Variants in PIWIL1 observed in about 807,000 individuals in gnomAD.
PIWIL1 encodes the protein piwi-like protein 1.
Under a neutral mutation model 114.4 loss-of-function variants are expected in PIWIL1, and 73 were observed. The observed-to-expected ratio is 0.64, with a 90% confidence interval of 0.53 to 0.78. PIWIL1 has a LOEUF of 0.78. PIWIL1 is among the 30% of genes least tolerant of loss of function. The pLI is 0.00. For missense variants in PIWIL1, 723 were observed against 1,063.1 expected, an observed-to-expected ratio of 0.68 and a Z score of 4.45; for synonymous variants, 375 against 369.0, an observed-to-expected ratio of 1.02 and a Z score of -0.19.
chr12:130,369,927 TGAGAA>T (rs2073773615), intron 19 of PIWIL1, among the ~76,000 whole-genome samples: 1 of 152,198 alleles, frequency 6.6e-6, no homozygotes, highest in African/African-American at 2.4e-5. Context: ...TTGTTGCAAC[TGAGAA>T]GCCCGCTCTT....
At chr12:130,373,036 C>T (rs571828142), downstream of PIWIL1, among the ~76,000 whole-genome samples, 2 of 152,300 alleles carry the variant, frequency 1.3e-5, no homozygotes, top group African/African-American at 4.8e-5. Flanking sequence ...GCCTCATTAA[C>T]ATATTATGAA....
In PIWIL1 at chr12:130,342,842, C is replaced by T. The variant is rs906394461; in HGVS notation, c.79-148C>T. The T allele has an allele frequency of 3.2e-5, 23 of 728,264 alleles. 1 individual carries two copies. In the Middle Eastern group the frequency reaches 1.1e-3, roughly 36 times the overall value. 45.1% of individuals were successfully genotyped at this position (728,264 alleles called of 1,614,324 possible). ...TGATTCGTGACTTTATTTGGTGACT[C>T]TTCTCTCAAATTTATTTTTAAGAAT... On this transcript the variant is annotated intron_variant, in intron 2 of 20. Transcript: ENST00000245255.
chr12:130,363,716 C>T (rs2136184393), intron 18 of PIWIL1, among the ~76,000 whole-genome samples: 1 of 141,242 alleles, frequency 7.1e-6, no homozygotes, highest in East Asian at 2.3e-4. Flanking sequence ...CTCCCAGGTT[C>T]AAGTGATTCT....
At chr12:130,377,333 G>A (rs545672937), downstream of PIWIL1, among the ~76,000 whole-genome samples, 3 of 152,312 alleles carry the variant, frequency 2.0e-5, no homozygotes, top group East Asian at 5.8e-4. Flanking sequence ...TAAAGTTGAA[G>A]GGCTCTGCCC....
intron 10 of PIWIL1, 95 bp downstream of exon 10, chr12:130,354,758 C>A: frequency 6.7e-7 from 1 of 1,484,568 alleles, no homozygotes; most frequent in Non-Finnish European, 9.1e-7. Context: ...CCCTTCCCTC[C>A]CCCCAGAAAA....
chr12:130,402,181 C>T, the PIWIL1 span, among the ~76,000 whole-genome samples: 1 of 152,128 alleles, frequency 6.6e-6, no homozygotes, highest in Non-Finnish European at 1.5e-5. Flanking sequence ...GGGACTTGCT[C>T]GCGGTGTGAA....
chr12:130,346,437 C>T lies in PIWIL1; in HGVS notation c.384C>T (p.Ala128=). The T allele has an allele frequency of 6.2e-7, 1 of 1,614,030 alleles. No homozygotes were observed. The highest frequency in any genetic ancestry group is 1.3e-5 in the African/African-American group (1 of 75,040). Reference sequence around the variant, plus strand: ...GGCTGACATCCCGTCCCCAGTGGGCCTTATATCAGTATCACATTGACTATA... The same window carrying T: ...GGCTGACATCCCGTCCCCAGTGGGCTTTATATCAGTATCACATTGACTATA... ...HFRLTSRPQW[A]LYQYHIDYNP... The change falls in exon 5 of 21, where the codon GCC becomes GCT. Residue 128 remains alanine, a synonymous_variant. Transcript: ENST00000245255.
chr12:130,361,051 A>G (rs1309691327), intron 14 of PIWIL1, 129 bp from the exon 15 acceptor site: 3 of 737,464 alleles, frequency 4.1e-6, no homozygotes, highest in Admixed American at 2.5e-5. Flanking sequence ...TGTGGCTGAA[A>G]TGAATAGTAA....
At chr12:130,424,424 G>A in the PIWIL1 span, 1 of 1,232,752 alleles carries the variant, frequency 8.1e-7, no homozygotes, top group East Asian at 3.2e-5. This position sits in a 1 kb window ranked among gnomAD's most constrained non-coding sequence, Gnocchi z 9.8. Context: ...CCCTCCTGCA[G>A]GGACAGTGAC....
intron 9 of PIWIL1, among the ~76,000 whole-genome samples, chr12:130,351,978 C>A (rs1467469878): frequency 6.6e-6 from 1 of 152,154 alleles, no homozygotes; most frequent in African/African-American, 2.4e-5. Flanking sequence ...GCTTTATTCT[C>A]ATGGCGTGTC....
Position 130,346,593 on chromosome 12 carries a change from G to C in PIWIL1, c.531+9G>C. The C allele has an allele frequency of 1.3e-6, 2 of 1,599,298 alleles. No homozygotes were observed. The highest frequency in any genetic ancestry group is 1.3e-5 in the African/African-American group (1 of 74,680). The stretch of plus-strand genomic sequence containing the variant: ...AAAGACTACAGCAAAAGGTTATTTG[G>C]GAAAAGGGAGATGGGGGATTTCCAC... On this transcript the variant is annotated intron_variant, in intron 5 of 20. Transcript: ENST00000245255.
chr12:130,392,728 C>T, the PIWIL1 span, among the ~76,000 whole-genome samples: 4 of 150,452 alleles, frequency 2.7e-5, no homozygotes, highest in South Asian at 8.6e-4. Context: ...CGGTCACCGT[C>T]ATCACGTGTG....
the PIWIL1 span, among the ~76,000 whole-genome samples, chr12:130,412,181 T>C: frequency 1.3e-3 from 191 of 152,226 alleles, 1 homozygote; most frequent in African/African-American, 4.3e-3. Context: ...CTACCCAAAC[T>C]AAAGAGAAAA....
chr12:130,351,877 C>T (rs1419854950), intron 9 of PIWIL1, among the ~76,000 whole-genome samples: 1 of 152,192 alleles, frequency 6.6e-6, no homozygotes, highest in Non-Finnish European at 1.5e-5. Flanking sequence ...ATCTGTTCTT[C>T]TTCTTCCCCT....
the PIWIL1 span, chr12:130,407,685 T>C: frequency 6.8e-7 from 1 of 1,461,872 alleles, no homozygotes; most frequent in South Asian, 1.1e-5. Flanking sequence ...AAGGGAAGGG[T>C]GTGGTTGTGT....
intron 11 of PIWIL1, 35 bp from the exon 12 acceptor site, chr12:130,355,518 T>G (rs764201625): frequency 7.0e-7 from 1 of 1,426,076 alleles, no homozygotes; most frequent in South Asian, 1.1e-5. Context: ...CTGTGTCTCT[T>G]TGTTGAGTCG....
the PIWIL1 span, among the ~76,000 whole-genome samples, chr12:130,406,607 C>T: frequency 3.9e-5 from 6 of 152,304 alleles, no homozygotes; most frequent in Non-Finnish European, 8.8e-5. Context: ...CGTAAATATC[C>T]TTTCACTGAG....
At chr12:130,359,245 C>T (rs998596623) in intron 14 of PIWIL1, among the ~76,000 whole-genome samples, 3 of 152,110 alleles carry the variant, frequency 2.0e-5, no homozygotes, top group African/African-American at 7.2e-5. Context: ...CGGAGTTGTC[C>T]AAGTCTTAAT....
intron 11 of PIWIL1, 126 bp from the exon 12 acceptor site, chr12:130,355,427 C>T: frequency 1.4e-6 from 1 of 728,406 alleles, no homozygotes; most frequent in Non-Finnish European, 2.4e-6. Context: ...AGCTGGCATT[C>T]TCACCAGCGC....
Sources: allele counts gnomAD v4.1 joint callset (sites outside exome capture counted in the v4.1 genomes callset), GRCh38; gene constraint gnomAD v4.1.1; non-coding constraint Gnocchi (gnomAD v3.1); transcripts MANE v1.5; gene names NCBI Gene and HGNC (gene_info 2026-07-23, HGNC 2026-07-21).